TTLL11: variants seen among roughly 807,000 people sequenced by gnomAD.
TTLL11 encodes tubulin polyglutamylase TTLL11.
TTLL11 carries 42 observed loss-of-function variants against 51.7 expected under a neutral mutation model. That is an observed-to-expected ratio of 0.81 (90% CI 0.64 to 1.05). The LOEUF (loss-of-function observed/expected upper bound fraction) is 1.05, where lower values mean the gene tolerates loss of function less well. Among genes scored for constraint, TTLL11 ranks in the 50% least tolerant of loss-of-function variants. The pLI is 0.00. For synonymous variants in TTLL11, 381 were observed against 383.5 expected (o/e 0.99, Z 0.08); for missense variants, 799 against 940.4 (o/e 0.85, Z 1.97).
rs1836516086 is a variant in TTLL11 at position 121,819,715 on chromosome 9, G to C, written c.*2872C>G. On this transcript the variant is annotated 3_prime_UTR_variant, in exon 9 of 9. Coordinates refer to ENST00000321582, the MANE Select transcript of TTLL11 (RefSeq NM_001139442.2). ...AAGCACAGGGGCTGCCCAGCTATGT[G>C]TGCCGTGCCTCTGGGCCAGCCAGAC... Among the ~76,000 whole-genome samples the C allele has an allele frequency of 6.6e-6, 1 of 152,116 alleles. No homozygotes were observed. Among genetic ancestry groups the C allele is most frequent in the South Asian group, 2.1e-4 (1 of 4,818 alleles).
chr9:121,919,330 T>A (rs1412517765), intron 6 of TTLL11, among the ~76,000 whole-genome samples: 2 of 152,100 alleles, frequency 1.3e-5, no homozygotes, highest in African/African-American at 2.4e-5. Flanking sequence ...AAGAAACACA[T>A]ACATGCTGTT....
intron 8 of TTLL11, among the ~76,000 whole-genome samples, chr9:121,849,035 T>G (rs1837594115): frequency 6.6e-6 from 1 of 152,208 alleles, no homozygotes; most frequent in South Asian, 2.1e-4. Flanking sequence ...AGTATGGTAT[T>G]AGTAAAAGAA....
At chr9:121,937,668 G>GA (rs1247103568) in intron 6 of TTLL11, among the ~76,000 whole-genome samples, 2 of 150,556 alleles carry the variant, frequency 1.3e-5, no homozygotes, top group African/African-American at 4.9e-5. Context: ...GAGACTCTGT[G>GA]AAAAGTATTA....
chr9:121,861,858 TC>T (rs1838022947), intron 7 of TTLL11, among the ~76,000 whole-genome samples: 1 of 152,200 alleles, frequency 6.6e-6, no homozygotes, highest in Admixed American at 6.5e-5. Context: ...TCTCAATCTG[TC>T]ACCTGAAGAT....
chr9:122,088,700 T>G (rs892961618), intron 1 of TTLL11, among the ~76,000 whole-genome samples: 3 of 151,908 alleles, frequency 2.0e-5, no homozygotes, highest in African/African-American at 2.4e-5. Context: ...TAAATATATG[T>G]GGAATAAGGA....
At chr9:122,020,909 G>A (rs926262907) in intron 3 of TTLL11, among the ~76,000 whole-genome samples, 1 of 152,076 alleles carries the variant, frequency 6.6e-6, no homozygotes, top group Non-Finnish European at 1.5e-5. Flanking sequence ...TTTGTTATTC[G>A]TCACCCAGTT....
chr9:121,938,288 C>CAAAAAAAAAAA (rs772725991), intron 6 of TTLL11, among the ~76,000 whole-genome samples: 1 of 133,672 alleles, frequency 7.5e-6, no homozygotes. Flanking sequence ...GACGCTGTCT[C>CAAAAAAAAAAA]AAAAAGAAAA....
intron 6 of TTLL11, among the ~76,000 whole-genome samples, chr9:121,946,147 C>T (rs963233998): frequency 1.3e-5 from 2 of 152,158 alleles, no homozygotes; most frequent in African/African-American, 4.8e-5. Flanking sequence ...AACAGGTAAA[C>T]TAATAATGAC....
At chr9:121,856,177 T>C (rs1333003758) in intron 8 of TTLL11, among the ~76,000 whole-genome samples, 2 of 152,230 alleles carry the variant, frequency 1.3e-5, no homozygotes, top group African/African-American at 2.4e-5. Context: ...GTGCAAGCAA[T>C]TCTCCTGCCT....
intron 4 of TTLL11, among the ~76,000 whole-genome samples, chr9:121,981,627 C>A (rs1048009608): frequency 6.6e-6 from 1 of 152,076 alleles, no homozygotes. Context: ...CTGGACGTTG[C>A]GATATTTCAA....
chr9:121,901,983 G>A (rs1363359573), intron 6 of TTLL11, among the ~76,000 whole-genome samples: 1 of 151,968 alleles, frequency 6.6e-6, no homozygotes, highest in Non-Finnish European at 1.5e-5. Context: ...TAGCCAGCAT[G>A]TACTGGGGAG....
intron 3 of TTLL11, among the ~76,000 whole-genome samples, chr9:122,021,079 G>T (rs972879980): frequency 4.6e-4 from 70 of 150,676 alleles, no homozygotes; most frequent in African/African-American, 1.6e-3. Flanking sequence ...CTCTTGCCCC[G>T]CATCGCTCGA....
rs1837836708 is a variant in TTLL11, at chr9:121,856,811, G to A, written c.1840+3526C>T. Reference sequence around the variant, plus strand: ...AGCCAGTACCTAACTGGATCTGAGGGCCTCGAACCCCTTGGATCCACACCA... The same window carrying A: ...AGCCAGTACCTAACTGGATCTGAGGACCTCGAACCCCTTGGATCCACACCA... On this transcript the variant is annotated intron_variant, in intron 8 of 8. Transcript: ENST00000321582. Among the ~76,000 whole-genome samples the A allele has an allele frequency of 2.0e-5, 3 of 151,824 alleles. No individual in the cohort carries two copies. The South Asian group carries it at 6.3e-4, about 32-fold the overall frequency.
At position 121,871,832 on chromosome 9, in the gene TTLL11, G is replaced by A. The variant is rs574600691; in HGVS notation, c.1482-1084C>T. Among the ~76,000 whole-genome samples the A allele has an allele frequency of 1.8e-4, 28 of 152,278 alleles. No homozygotes were observed. In the East Asian group the frequency reaches 4.6e-3, roughly 25 times the overall value. On this transcript the variant is annotated intron_variant, in intron 6 of 8. Coordinates refer to ENST00000321582, the MANE Select transcript of TTLL11 (RefSeq NM_001139442.2). ...CCACTCACTGGCCTGCCCTGGAACCGGAGACTCCATGCTCCTTGGACACCC... is the reference window on the plus strand; with the variant it reads ...CCACTCACTGGCCTGCCCTGGAACCAGAGACTCCATGCTCCTTGGACACCC...
chr9:122,015,388 G>A (rs1843932216), intron 3 of TTLL11, among the ~76,000 whole-genome samples: 2 of 152,162 alleles, frequency 1.3e-5, no homozygotes, highest in African/African-American at 4.8e-5. Context: ...AGCAGATGGG[G>A]AGGTGAAACC....
At position 121,844,322 on chromosome 9, in the gene TTLL11, T is replaced by C. The variant is rs554947878; in HGVS notation, c.1840+16015A>G. ...AAAAAAAACAAAACAAAAAAAACAA[T>C]TGGAGGAAACCGAAGCTTCTGGCAC... On this transcript the variant is annotated intron_variant, in intron 8 of 8. Coordinates refer to ENST00000321582, the MANE Select transcript of TTLL11 (RefSeq NM_001139442.2). 5.9e-5 allele frequency among the ~76,000 whole-genome samples: 9 copies of C among 151,452 alleles called. No homozygotes were observed. In the East Asian group the frequency reaches 1.4e-3, roughly 23 times the overall value.
intron 6 of TTLL11, among the ~76,000 whole-genome samples, chr9:121,873,613 C>T (rs1270477862): frequency 2.9e-5 from 4 of 140,104 alleles, no homozygotes; most frequent in African/African-American, 8.5e-5. Flanking sequence ...TGCCCAGTCC[C>T]GCCTCCTCCT....
intron 1 of TTLL11, among the ~76,000 whole-genome samples, chr9:122,085,969 G>A (rs1232323066): frequency 6.6e-6 from 1 of 152,052 alleles, no homozygotes; most frequent in African/African-American, 2.4e-5. Flanking sequence ...CTTAAACAGT[G>A]GTCGATTACT....
chr9:121,896,776 A>G (rs777341118), intron 6 of TTLL11, among the ~76,000 whole-genome samples: 27 of 152,174 alleles, frequency 1.8e-4, no homozygotes, highest in Non-Finnish European at 3.1e-4. Context: ...TCCAGCCGAG[A>G]TCATTTCGGA....
Sources: allele counts gnomAD v4.1 joint callset (sites outside exome capture counted in the v4.1 genomes callset), GRCh38; gene constraint gnomAD v4.1.1; transcripts MANE v1.5; gene names NCBI Gene and HGNC (gene_info 2026-07-23, HGNC 2026-07-21).